The following IL19 variants were observed in gnomAD, a reference collection of about 807,000 sequenced individuals.
The protein encoded by IL19 is interleukin-19.
In IL19, 15 loss-of-function variants were observed where a neutral mutation model predicts 19.5. The ratio of observed to expected loss-of-function variants is 0.77; its 90% CI spans 0.52 to 1.19. The LOEUF (loss-of-function observed/expected upper bound fraction) is 1.19. Among genes scored for constraint, IL19 ranks in the 50% most tolerant of loss-of-function variants. The pLI is 0.00. For synonymous variants in IL19, 78 were observed against 78.3 expected (o/e 1.00, Z 0.02); for missense variants, 199 against 213.1 (o/e 0.93, Z 0.41).
At chr1:206,808,346 A>G (rs1675906667) in intron 2 of IL19, among the ~76,000 whole-genome samples, 1 of 152,180 alleles carries the variant, frequency 6.6e-6, no homozygotes, top group African/African-American at 2.4e-5. Flanking sequence ...AATAAACAAC[A>G]ACAAAAAACA....
At chr1:206,771,500 A>T (rs78550221) in intron 1 of IL19, 1 of 958,720 alleles carries the variant, frequency 1.0e-6, no homozygotes, top group Non-Finnish European at 1.5e-6. Flanking sequence ...TCATTTAGAG[A>T]TTTTTTTTTT....
At chr1:206,804,341 C>G (rs1322189670) in intron 2 of IL19, among the ~76,000 whole-genome samples, 1 of 152,242 alleles carries the variant, frequency 6.6e-6, no homozygotes, top group African/African-American at 2.4e-5. Context: ...CTTTCCAACA[C>G]AGACATTCCC....
chr1:206,838,083 A>T (rs938955982), intron 4 of IL19, among the ~76,000 whole-genome samples: 1 of 152,246 alleles, frequency 6.6e-6, no homozygotes, highest in East Asian at 1.9e-4. Context: ...GCCCAAAGTT[A>T]TATGATCATA....
intron 1 of IL19, among the ~76,000 whole-genome samples, chr1:206,774,444 C>A (rs964434775): frequency 2.0e-5 from 3 of 152,150 alleles, no homozygotes; most frequent in Non-Finnish European, 4.4e-5. Context: ...CTCCTTCCCC[C>A]TCGGCTCCTG....
Position 206,829,805 on chromosome 1 carries a change from G to A in IL19, c.-2-6856G>A, listed in dbSNP as rs531786786. The stretch of plus-strand genomic sequence containing the variant: ...TCTTTCATAACATTTGAACCACAGA[G>A]CCCATTGACATAAGATGTGTCACCC... On this transcript the variant is annotated intron_variant, in intron 2 of 6. Coordinates refer to ENST00000659997, the MANE Select transcript of IL19 (RefSeq NM_153758.5). 2.6e-5 allele frequency among the ~76,000 whole-genome samples: 4 copies of A among 152,242 alleles called. No homozygotes were observed. The South Asian group carries it at 8.3e-4, about 32-fold the overall frequency.
intron 2 of IL19, among the ~76,000 whole-genome samples, chr1:206,816,769 G>A (rs1036604251): frequency 4.6e-5 from 7 of 152,102 alleles, no homozygotes; most frequent in African/African-American, 1.2e-4. Flanking sequence ...AAGAAAATAC[G>A]TGAGAACAAA....
intron 1 of IL19, among the ~76,000 whole-genome samples, chr1:206,775,023 G>C (rs1475433869): frequency 1.3e-5 from 2 of 151,890 alleles, no homozygotes; most frequent in African/African-American, 4.8e-5. Context: ...CTGTTAAATA[G>C]GGTTGAGGTT....
intron 1 of IL19, among the ~76,000 whole-genome samples, chr1:206,771,670 A>T (rs571473549): frequency 6.6e-6 from 1 of 152,232 alleles, no homozygotes; most frequent in South Asian, 2.1e-4. Flanking sequence ...AGCTTGACTC[A>T]GTCCTGGTCT....
intron 2 of IL19, among the ~76,000 whole-genome samples, chr1:206,819,018 G>A (rs1676229629): frequency 6.6e-6 from 1 of 151,360 alleles, no homozygotes; most frequent in Non-Finnish European, 1.5e-5. Context: ...TCACTGTGTT[G>A]GCCAGGCTGG....
intron 1 of IL19, chr1:206,771,498 A>G: frequency 8.3e-7 from 1 of 1,201,094 alleles, no homozygotes; most frequent in Admixed American, 2.0e-5. Context: ...TTTCATTTAG[A>G]GATTTTTTTT....
At chr1:206,813,446 C>T (rs1676068963) in intron 2 of IL19, among the ~76,000 whole-genome samples, 1 of 152,012 alleles carries the variant, frequency 6.6e-6, no homozygotes, top group Non-Finnish European at 1.5e-5. Context: ...AGCATGTGTC[C>T]CTTGGGGACA....
intron 2 of IL19, chr1:206,833,961 T>A: frequency 3.0e-6 from 3 of 985,578 alleles, no homozygotes; most frequent in Non-Finnish European, 3.6e-6. Context: ...CAGAGCCTCA[T>A]GGGCTGGCTG....
rs74151406 is a variant in IL19 at position 206,818,122 on chromosome 1, A to G, written c.-2-18539A>G. 5.5e-3 allele frequency among the ~76,000 whole-genome samples: 844 copies of G among 152,338 alleles called. 5 individuals carry two copies. Among genetic ancestry groups the G allele is most frequent in the African/African-American group, 0.019 (809 of 41,580 alleles). ...AATAATCCATAGAATAAGGAGGCAG[A>G]GTTAGCAAGGATATAGTAGACTTAA... is the stretch of plus-strand genomic sequence containing the variant. On this transcript the variant is annotated intron_variant, in intron 2 of 6. Coordinates refer to ENST00000659997, the MANE Select transcript of IL19 (RefSeq NM_153758.5).
At chr1:206,791,734 C>T (rs1233235261) in intron 1 of IL19, among the ~76,000 whole-genome samples, 1 of 152,238 alleles carries the variant, frequency 6.6e-6, no homozygotes, top group Non-Finnish European at 1.5e-5. Flanking sequence ...TTCACCAAAA[C>T]TTCACCCTCA....
chr1:206,789,426 G>A (rs977055855), intron 1 of IL19, among the ~76,000 whole-genome samples: 2 of 152,190 alleles, frequency 1.3e-5, no homozygotes, highest in Non-Finnish European at 2.9e-5. Context: ...TTGTAAGTGA[G>A]AACATGGGTG....
Position 206,837,024 on chromosome 1 carries a change from G to T in IL19, c.210+1G>T, listed in dbSNP as rs1472819843. ...ATTGGAGACTCTGCAGATCATTAAG[G>T]TATTGGCCTGTGTCTGCTTTTTCCA... is the stretch of plus-strand genomic sequence containing the variant. On this transcript the variant is annotated splice_donor_variant, in intron 4 of 6. Transcript: ENST00000659997. LOFTEE classifies it high-confidence loss of function. 2 of 1,610,866 alleles carry T rather than the reference G, an allele frequency of 1.2e-6. No homozygotes were observed. Among genetic ancestry groups the T allele is most frequent in the African/African-American group, 1.3e-5 (1 of 74,970 alleles).
At chr1:206,823,274 C>T (rs1446928116) in intron 2 of IL19, among the ~76,000 whole-genome samples, 1 of 151,926 alleles carries the variant, frequency 6.6e-6, no homozygotes, top group Non-Finnish European at 1.5e-5. Context: ...ACCAAGATGG[C>T]TGGGTGTGGT....
chr1:206,793,756 G>A lies in IL19; in HGVS notation c.-148-5105G>A, dbSNP rs144753146. Among the ~76,000 whole-genome samples, 192 of 152,232 alleles carry A rather than the reference G, an allele frequency of 1.3e-3. 2 individuals carry two copies. Among genetic ancestry groups the A allele is most frequent in the African/African-American group, 4.3e-3 (179 of 41,528 alleles). On this transcript the variant is annotated intron_variant, in intron 1 of 6. Coordinates refer to ENST00000659997, the MANE Select transcript of IL19 (RefSeq NM_153758.5). Reference sequence around the variant, plus strand: ...TATTAATGCTTTCTGAACCTCTAACGCCACTCGATTAGTCACAGTCATAGT... The same window carrying A: ...TATTAATGCTTTCTGAACCTCTAACACCACTCGATTAGTCACAGTCATAGT...
intron 1 of IL19, among the ~76,000 whole-genome samples, chr1:206,794,507 C>T (rs891577091): frequency 6.6e-6 from 1 of 152,154 alleles, no homozygotes; most frequent in Non-Finnish European, 1.5e-5. Flanking sequence ...TCTCTGAGCT[C>T]TTATACTATG....
Sources: gnomAD v4.1 joint callset for allele counts (sites outside exome capture counted in the v4.1 genomes callset) on GRCh38, gnomAD v4.1.1 for gene constraint, MANE v1.5 for transcripts, NCBI Gene and HGNC (gene_info 2026-07-23, HGNC 2026-07-21) for gene names.